The following RBFOX2 variants were observed in gnomAD, a reference collection of about 807,000 sequenced individuals.
The protein encoded by RBFOX2 is RNA binding protein fox-1 homolog 2.
Under a neutral mutation model 49.1 loss-of-function variants are expected in RBFOX2, and 10 were observed. That is an observed-to-expected ratio of 0.20 (90% confidence interval 0.13 to 0.35). The LOEUF is 0.35. Ranked by LOEUF, RBFOX2 falls within the 10% of genes least tolerant of loss-of-function variation. The probability of loss-of-function intolerance (pLI) is 1.00; values close to 1 mark genes in which losing one functional copy is unlikely to be tolerated. For missense variants in RBFOX2, 323 were observed against 486.9 expected, an observed-to-expected ratio of 0.66 and a Z score of 3.17; for synonymous variants, 183 against 187.4, an observed-to-expected ratio of 0.98 and a Z score of 0.19.
intron 2 of RBFOX2, among the ~76,000 whole-genome samples, chr22:35,788,323 T>A (rs979415588): frequency 1.3e-5 from 2 of 152,202 alleles, no homozygotes; most frequent in Non-Finnish European, 2.9e-5. Context: ...TACTAAGGAA[T>A]CTCTTAATGA....
chr22:35,944,986 C>A (rs1019146004), intron 1 of RBFOX2, among the ~76,000 whole-genome samples: 8 of 152,056 alleles, frequency 5.3e-5, no homozygotes, highest in Non-Finnish European at 5.9e-5. Context: ...CAAAACCATC[C>A]CACTGCCTTT....
intron 1 of RBFOX2, among the ~76,000 whole-genome samples, chr22:35,917,502 T>C (rs1485384954): frequency 6.6e-6 from 1 of 152,226 alleles, no homozygotes; most frequent in Non-Finnish European, 1.5e-5. Context: ...ATAGCAGGCA[T>C]AGAGTTGACA....
Position 36,026,543 on chromosome 22 carries a change from C to CACAT in RBFOX2, c.186+1696_186+1697insATGT, listed in dbSNP as rs1569524725. Among the ~76,000 whole-genome samples, 7 of 138,648 alleles carry CACAT rather than the reference C, an allele frequency of 5.0e-5. No individual in the cohort carries two copies. In the South Asian group the frequency reaches 1.7e-3, roughly 33 times the overall value. 91.0% of individuals were successfully genotyped at this position (138,648 alleles called of 152,430 possible). Reference sequence around the variant, plus strand: ...GACAGAAATGATAAATGAATACATACACACACACACACACACACACACACA... The same window carrying CACAT: ...GACAGAAATGATAAATGAATACATACACATACACACACACACACACACACACACA... On this transcript the variant is annotated intron_variant, in intron 1 of 13. Coordinates refer to the RBFOX2 transcript ENST00000438146.
At chr22:35,901,358 A>G (rs1252389881) in intron 1 of RBFOX2, among the ~76,000 whole-genome samples, 1 of 152,184 alleles carries the variant, frequency 6.6e-6, no homozygotes, top group Admixed American at 6.5e-5. Context: ...ACTTTAAATA[A>G]CAAATGAAGC....
At chr22:35,904,800 C>T (rs769524051) in intron 1 of RBFOX2, among the ~76,000 whole-genome samples, 3 of 152,120 alleles carry the variant, frequency 2.0e-5, no homozygotes, top group African/African-American at 4.8e-5. Context: ...AGAACTACGT[C>T]GTCTAACACG....
At chr22:35,965,473 T>G (rs1172828425), upstream of RBFOX2, among the ~76,000 whole-genome samples, 3 of 152,164 alleles carry the variant, frequency 2.0e-5, no homozygotes, top group African/African-American at 7.2e-5. Flanking sequence ...ATGGCCAAAA[T>G]GAGGTACATC....
chr22:35,974,471 G>A (rs940621753), intron 1 of RBFOX2, among the ~76,000 whole-genome samples: 3 of 152,054 alleles, frequency 2.0e-5, no homozygotes, highest in African/African-American at 4.8e-5. Context: ...GGCAGATCAC[G>A]AGGTCAGGAG....
chr22:36,028,637 C>A (rs972359699), exon 1 of RBFOX2, among the ~76,000 whole-genome samples: 2 of 149,964 alleles, frequency 1.3e-5, no homozygotes, highest in Non-Finnish European at 3.0e-5. Flanking sequence ...GCCCGCCCGC[C>A]GGGTTGTCGG....
intron 2 of RBFOX2, among the ~76,000 whole-genome samples, chr22:35,783,263 T>C (rs1945596938): frequency 6.6e-6 from 1 of 152,162 alleles, no homozygotes; most frequent in Non-Finnish European, 1.5e-5. Flanking sequence ...GCCACCCCAT[T>C]AAGCCAGTCG....
At chr22:35,770,327 A>G (rs1942301726) in intron 4 of RBFOX2, among the ~76,000 whole-genome samples, 1 of 152,200 alleles carries the variant, frequency 6.6e-6, no homozygotes, top group Non-Finnish European at 1.5e-5. Context: ...CTTAGGTTAA[A>G]TTAATACATT....
At chr22:35,987,517 C>A (rs986015652) in intron 1 of RBFOX2, among the ~76,000 whole-genome samples, 1 of 152,100 alleles carries the variant, frequency 6.6e-6, no homozygotes, top group African/African-American at 2.4e-5. Context: ...ATGTTTCAGT[C>A]CTAAAAGCAA....
At chr22:35,854,213 T>C (rs2042257965) in intron 1 of RBFOX2, among the ~76,000 whole-genome samples, 1 of 125,588 alleles carries the variant, frequency 8.0e-6, no homozygotes, top group Non-Finnish European at 1.8e-5. Context: ...ACTCTGTCTC[T>C]AATAATAATA....
At chr22:35,835,185 G>T (rs545442862) in intron 1 of RBFOX2, among the ~76,000 whole-genome samples, 1 of 152,264 alleles carries the variant, frequency 6.6e-6, no homozygotes, top group East Asian at 1.9e-4. Context: ...TTTGACAGTG[G>T]TTTGGAAATG....
chr22:35,873,321 G>A lies in RBFOX2; in HGVS notation c.-33-63317C>T, dbSNP rs562851548. On this transcript the variant is annotated intron_variant, in intron 1 of 13. Coordinates refer to the RBFOX2 transcript ENST00000359369. ...TGATTTTTGCATTTTTTGTAGAAAC[G>A]GGGTCTCGTCATGTTGGCCAGGCTG... is the stretch of plus-strand genomic sequence containing the variant. Among the ~76,000 whole-genome samples the A allele has an allele frequency of 7.9e-5, 12 of 151,266 alleles. 1 individual carries two copies. The South Asian group carries it at 1.1e-3, about 13-fold the overall frequency.
intron 1 of RBFOX2, among the ~76,000 whole-genome samples, chr22:35,917,371 G>A (rs1252678936): frequency 3.9e-5 from 6 of 152,052 alleles, no homozygotes; most frequent in African/African-American, 1.4e-4. Context: ...GCAGGAAAAT[G>A]TCAGAAAGCA....
intron 1 of RBFOX2, among the ~76,000 whole-genome samples, chr22:35,983,532 T>G (rs1316979961): frequency 6.6e-6 from 1 of 152,186 alleles, no homozygotes; most frequent in Non-Finnish European, 1.5e-5. Flanking sequence ...ATCACTGTGG[T>G]AAGATGTTAG....
At chr22:35,804,294 A>G (rs1018746133) in intron 2 of RBFOX2, among the ~76,000 whole-genome samples, 2 of 152,056 alleles carry the variant, frequency 1.3e-5, no homozygotes, top group African/African-American at 2.4e-5. Flanking sequence ...AAAGAAAATT[A>G]TGTGTAATCA....
intron 1 of RBFOX2, among the ~76,000 whole-genome samples, chr22:35,857,445 A>G (rs1280506291): frequency 2.6e-5 from 4 of 152,252 alleles, no homozygotes; most frequent in African/African-American, 7.2e-5. Context: ...CATGTAGGGT[A>G]TAAGAGAAAG....
intron 1 of RBFOX2, among the ~76,000 whole-genome samples, chr22:35,845,676 A>G (rs2041090560): frequency 6.6e-6 from 1 of 152,218 alleles, no homozygotes; most frequent in Non-Finnish European, 1.5e-5. Flanking sequence ...TACATTGTAC[A>G]CATCCCTGTG....
Sources: allele counts gnomAD v4.1 joint callset (sites outside exome capture counted in the v4.1 genomes callset), GRCh38; gene constraint gnomAD v4.1.1; transcripts MANE v1.5; gene names NCBI Gene and HGNC (gene_info 2026-07-23, HGNC 2026-07-21).